The following CDH3 variants were observed in gnomAD, a reference collection of about 807,000 sequenced individuals.
CDH3 encodes the protein cadherin 3.
In CDH3, 54 loss-of-function variants were observed where a neutral mutation model predicts 82.0. That is an observed-to-expected ratio of 0.66 (90% CI 0.53 to 0.83). The LOEUF (loss-of-function observed/expected upper bound fraction) is 0.83. Among genes scored for constraint, CDH3 ranks in the 40% least tolerant of loss-of-function variants. The pLI, the probability that CDH3 is intolerant of heterozygous loss-of-function variation, is 0.00. For synonymous variants in CDH3, 446 were observed against 437.9 expected (o/e 1.02, Z -0.23); for missense variants, 1,054 against 1,084.6 (o/e 0.97, Z 0.40).
downstream of CDH3, among the ~76,000 whole-genome samples, chr16:68,700,473 C>T (rs905568207): frequency 1.3e-5 from 2 of 152,178 alleles, no homozygotes; most frequent in African/African-American, 4.8e-5. Flanking sequence ...GGCCAAGGAG[C>T]CTGAAGCCTC....
intron 15 of CDH3, chr16:68,696,779 G>C (rs576769084): frequency 2.6e-5 from 4 of 152,892 alleles, no homozygotes; most frequent in African/African-American, 9.6e-5. Flanking sequence ...GGTCGGGTAT[G>C]AGGCACATAT....
In CDH3 at chr16:68,679,842, C is replaced by T; in HGVS notation, c.735C>T (p.Ala245=). ...TGACAGCCACGGATGAGGATGATGC[C>T]ATCTACACCTACAATGGGGTGGTTG... is the stretch of plus-strand genomic sequence containing the variant. ...MQVTATDEDD[A]IYTYNGVVAY... Residue 245 remains alanine, a synonymous_variant, in exon 7 of 16, where the codon GCC becomes GCT. Transcript: ENST00000264012. 1 of 1,612,484 alleles carries T rather than the reference C, an allele frequency of 6.2e-7. No homozygotes were observed. Among genetic ancestry groups the T allele is most frequent in the African/African-American group, 1.3e-5 (1 of 74,562 alleles).
At chr16:68,687,479 C>T (rs1443909040) in intron 11 of CDH3, 33 bp from the exon 12 acceptor site, 3 of 1,581,704 alleles carry the variant, frequency 1.9e-6, no homozygotes, top group African/African-American at 2.7e-5. Flanking sequence ...GGGTGGGTCA[C>T]AGGGAGCTCA....
At chr16:68,723,367 TA>T (rs141764240) in intron 2 of CDH3, among the ~76,000 whole-genome samples, 7,439 of 152,142 alleles carry the variant, frequency 0.049, 584 homozygotes, top group African/African-American at 0.17. Flanking sequence ...TGAAAAGCAA[TA>T]AACAGCATCA....
intron 2 of CDH3, among the ~76,000 whole-genome samples, chr16:68,650,670 G>C (rs1212279076): frequency 6.6e-6 from 1 of 152,118 alleles, no homozygotes; most frequent in African/African-American, 2.4e-5. Context: ...GCTGACAAAA[G>C]GGGGAAGAGG....
intron 8 of CDH3, among the ~76,000 whole-genome samples, chr16:68,681,849 AAAAT>A (rs569190845): frequency 2.5e-3 from 385 of 152,276 alleles, no homozygotes; most frequent in Middle Eastern, 6.8e-3. Flanking sequence ...AAATAAAATA[AAAAT>A]AAATAAATAA....
intron 2 of CDH3, among the ~76,000 whole-genome samples, chr16:68,655,230 T>G (rs1345848182): frequency 2.0e-5 from 3 of 152,100 alleles, no homozygotes; most frequent in African/African-American, 7.2e-5. Flanking sequence ...AGCTCCTTAT[T>G]TGGCCAACAT....
chr16:68,684,405 A>G (rs1182139942), intron 9 of CDH3, among the ~76,000 whole-genome samples, 178 bp from the exon 10 acceptor site: 1 of 152,198 alleles, frequency 6.6e-6, no homozygotes, highest in Non-Finnish European at 1.5e-5. Flanking sequence ...GAGAGGCCCC[A>G]TTAGATGTGC....
intron 2 of CDH3, among the ~76,000 whole-genome samples, chr16:68,647,645 G>A (rs549351961): frequency 1.3e-5 from 2 of 152,240 alleles, no homozygotes; most frequent in East Asian, 3.9e-4. Flanking sequence ...TGGTGGCATG[G>A]GCTGCTGCTT....
intron 1 of CDH3, among the ~76,000 whole-genome samples, chr16:68,706,193 C>T (rs116627625): frequency 0.019 from 2,840 of 152,174 alleles, 30 homozygotes; most frequent in South Asian, 0.027. Context: ...CTCTATCTTT[C>T]TACTTGGACA....
At chr16:68,658,181 A>T (rs1309985869) in intron 2 of CDH3, among the ~76,000 whole-genome samples, 1 of 150,604 alleles carries the variant, frequency 6.6e-6, no homozygotes, top group Non-Finnish European at 1.5e-5. Context: ...TTCCTGTGTG[A>T]GCCATCATTC....
chr16:68,665,322 C>T (rs1266456432), intron 2 of CDH3, among the ~76,000 whole-genome samples: 3 of 152,094 alleles, frequency 2.0e-5, no homozygotes, highest in Admixed American at 2.0e-4. Flanking sequence ...GCAGGAGAAT[C>T]ACTTGAAACT....
intron 2 of CDH3, among the ~76,000 whole-genome samples, chr16:68,675,036 C>T (rs1183976937): frequency 6.6e-6 from 1 of 151,922 alleles, no homozygotes; most frequent in Non-Finnish European, 1.5e-5. Flanking sequence ...TCACTTGAAC[C>T]TGGGAGGTGG....
chr16:68,696,734 GACAA>G (rs1179744200), intron 15 of CDH3: 1 of 152,540 alleles, frequency 6.6e-6, no homozygotes, highest in Non-Finnish European at 1.5e-5. Context: ...CTACAATTTA[GACAA>G]ACAAGAGACA....
intron 2 of CDH3, among the ~76,000 whole-genome samples, chr16:68,648,093 A>C (rs1239032189): frequency 6.6e-6 from 1 of 152,216 alleles, no homozygotes; most frequent in Non-Finnish European, 1.5e-5. Flanking sequence ...GTAAATGTTA[A>C]ACAAGCTGAG....
chr16:68,676,495 G>T, intron 3 of CDH3, 25 bp downstream of exon 3: 1 of 1,570,898 alleles, frequency 6.4e-7, no homozygotes, highest in Non-Finnish European at 8.8e-7. Context: ...CCACCTGCAG[G>T]ACAAAAGAAA....
At chr16:68,702,864 CA>C (rs999221159), downstream of CDH3, among the ~76,000 whole-genome samples, 269 of 142,776 alleles carry the variant, frequency 1.9e-3, 1 homozygote, top group African/African-American at 6.3e-3. Flanking sequence ...GACTCCATCT[CA>C]AAAAAAAAAA....
intron 2 of CDH3, among the ~76,000 whole-genome samples, chr16:68,673,791 G>A (rs190488411): frequency 6.6e-6 from 1 of 152,284 alleles, no homozygotes; most frequent in African/African-American, 2.4e-5. Flanking sequence ...TGGGCATGGT[G>A]GTGCACACCT....
intron 3 of CDH3, among the ~76,000 whole-genome samples, chr16:68,677,676 T>A (rs768175751): frequency 2.0e-5 from 3 of 152,190 alleles, no homozygotes; most frequent in Non-Finnish European, 1.5e-5. Context: ...AGGCAGAGGT[T>A]GCAGTGAGCT....
Sources: gnomAD v4.1 joint callset for allele counts (sites outside exome capture counted in the v4.1 genomes callset) on GRCh38, gnomAD v4.1.1 for gene constraint, MANE v1.5 for transcripts, NCBI Gene and HGNC (gene_info 2026-07-23, HGNC 2026-07-21) for gene names.